PDE4D: variants seen among roughly 807,000 people sequenced by gnomAD.
PDE4D encodes the protein 3',5'-cyclic-AMP phosphodiesterase 4D.
A neutral mutation model predicts 87.4 loss-of-function variants in PDE4D; 24 were observed. The ratio of observed to expected loss-of-function variants is 0.27; its 90% CI spans 0.20 to 0.39. The LOEUF (loss-of-function observed/expected upper bound fraction) is 0.39, where lower values mean the gene tolerates loss of function less well. Among genes scored for constraint, PDE4D ranks in the 10% least tolerant of loss-of-function variants. The pLI, the probability that PDE4D is intolerant of heterozygous loss-of-function variation, is 1.00. For missense variants in PDE4D, 714 were observed against 1,041.0 expected (o/e 0.69, Z 4.32); for synonymous variants, 384 against 383.2 (o/e 1.00, Z -0.02).
intron 5 of PDE4D, among the ~76,000 whole-genome samples, chr5:59,074,986 G>T: frequency 6.6e-6 from 1 of 151,686 alleles, no homozygotes; most frequent in East Asian, 1.9e-4. Flanking sequence ...GAGCTGATCA[G>T]AAGACCTGAG....
chr5:60,327,167 A>G (rs966350203), intron 1 of PDE4D, among the ~76,000 whole-genome samples: 1 of 152,084 alleles, frequency 6.6e-6, no homozygotes, highest in Non-Finnish European at 1.5e-5. Context: ...CATAACTTTT[A>G]CATGACACAG....
intron 2 of PDE4D, among the ~76,000 whole-genome samples, chr5:59,198,280 A>G (rs2153490087): frequency 6.6e-6 from 1 of 151,968 alleles, no homozygotes; most frequent in Non-Finnish European, 1.5e-5. Context: ...AGGAAGGCTC[A>G]GAAAAAAAGT....
At chr5:59,897,161 A>T (rs1199534044), upstream of PDE4D, among the ~76,000 whole-genome samples, 1 of 152,212 alleles carries the variant, frequency 6.6e-6, no homozygotes, top group Admixed American at 6.5e-5. Context: ...AAACTTAAAT[A>T]AGCAGTTAGT....
chr5:59,226,895 G>T (rs1753894163), intron 1 of PDE4D, among the ~76,000 whole-genome samples: 1 of 152,112 alleles, frequency 6.6e-6, no homozygotes, highest in Admixed American at 6.5e-5. Flanking sequence ...AATTTCTCTG[G>T]CAATTTCATG....
At chr5:60,337,609 T>C (rs932913910) in intron 1 of PDE4D, among the ~76,000 whole-genome samples, 1 of 151,820 alleles carries the variant, frequency 6.6e-6, no homozygotes, top group Non-Finnish European at 1.5e-5. Context: ...AAATAAATAA[T>C]ACCTAAATAA....
rs1780236272 is a variant in PDE4D, at chr5:60,138,457, C to T, written c.42+47100G>A. Among the ~76,000 whole-genome samples the T allele has an allele frequency of 2.0e-5, 3 of 152,160 alleles. No individual in the cohort carries two copies. The South Asian group carries it at 6.2e-4, about 32-fold the overall frequency. On this transcript the variant is annotated intron_variant, in intron 2 of 16. Coordinates refer to the PDE4D transcript ENST00000502484. ...AAGATTTTCCACAACACTTAGATTG[C>T]TAGTAGCCCTGTAATTCCAAATATA...
chr5:59,279,752 C>T (rs1765476315), intron 1 of PDE4D, among the ~76,000 whole-genome samples: 1 of 151,704 alleles, frequency 6.6e-6, no homozygotes, highest in Non-Finnish European at 1.5e-5. Flanking sequence ...AGGTATATTT[C>T]ATTCCAAAGC....
At chr5:60,354,940 T>C (rs1380617579) in intron 1 of PDE4D, among the ~76,000 whole-genome samples, 1 of 152,176 alleles carries the variant, frequency 6.6e-6, no homozygotes, top group African/African-American at 2.4e-5. Context: ...CAATAAATCA[T>C]GTGAGAAGGC....
intron 1 of PDE4D, among the ~76,000 whole-genome samples, chr5:59,503,744 C>T (rs1215335839): frequency 6.6e-6 from 1 of 152,054 alleles, no homozygotes; most frequent in Non-Finnish European, 1.5e-5. Context: ...GGTGAGTAAG[C>T]CCACCTGAAA....
chr5:59,895,518 C>T (rs1751539184), upstream of PDE4D, among the ~76,000 whole-genome samples: 1 of 152,198 alleles, frequency 6.6e-6, no homozygotes, highest in Non-Finnish European at 1.5e-5. Context: ...TTTGCAGACA[C>T]AAGTGTGACT....
At chr5:59,359,355 A>G (rs1254215876) in intron 1 of PDE4D, among the ~76,000 whole-genome samples, 1 of 152,222 alleles carries the variant, frequency 6.6e-6, no homozygotes, top group Non-Finnish European at 1.5e-5. Context: ...TACAGACACA[A>G]GAAGTGTCTG....
intron 1 of PDE4D, among the ~76,000 whole-genome samples, chr5:59,621,437 C>T (rs1230755566): frequency 6.6e-6 from 1 of 152,194 alleles, no homozygotes; most frequent in African/African-American, 2.4e-5. Context: ...TATAGGTTCT[C>T]ACAGGAGTTC....
intron 1 of PDE4D, among the ~76,000 whole-genome samples, chr5:59,667,832 C>A (rs1355773693): frequency 1.3e-5 from 2 of 152,218 alleles, no homozygotes; most frequent in East Asian, 3.8e-4. Context: ...TCCCACGAAA[C>A]CATTCAAGAT....
intron 1 of PDE4D, among the ~76,000 whole-genome samples, chr5:59,335,206 G>A (rs1777453902): frequency 6.6e-6 from 1 of 152,210 alleles, no homozygotes; most frequent in Non-Finnish European, 1.5e-5. Flanking sequence ...TCAGAGCACA[G>A]TCCAGTCCTG....
At chr5:59,957,695 T>A (rs902143265) in intron 3 of PDE4D, among the ~76,000 whole-genome samples, 1 of 152,088 alleles carries the variant, frequency 6.6e-6, no homozygotes, top group African/African-American at 2.4e-5. Flanking sequence ...TAAAAGGACA[T>A]GAGGTAGCAG....
At chr5:60,382,315 C>T (rs1011644218) in intron 1 of PDE4D, among the ~76,000 whole-genome samples, 6 of 152,026 alleles carry the variant, frequency 3.9e-5, no homozygotes, top group Admixed American at 1.3e-4. Context: ...TGTTTATTTG[C>T]GGTTTTAGCT....
intron 1 of PDE4D, among the ~76,000 whole-genome samples, chr5:60,351,967 G>T (rs1428726867): frequency 6.7e-6 from 1 of 148,924 alleles, no homozygotes; most frequent in Non-Finnish European, 1.5e-5. Flanking sequence ...CACCACACCC[G>T]GCTTTTTTTT....
At chr5:60,317,402 T>C (rs531576029) in intron 1 of PDE4D, among the ~76,000 whole-genome samples, 10 of 152,276 alleles carry the variant, frequency 6.6e-5, no homozygotes, top group South Asian at 2.1e-4. Context: ...GTCTTACTAG[T>C]GGTCTATCAA....
At chr5:59,903,327 T>A (rs1168989895) in intron 3 of PDE4D, among the ~76,000 whole-genome samples, 2 of 152,040 alleles carry the variant, frequency 1.3e-5, no homozygotes, top group Non-Finnish European at 2.9e-5. Flanking sequence ...AATTACTAGT[T>A]TAAAATAGAA....
Sources: gnomAD v4.1 joint callset for allele counts (sites outside exome capture counted in the v4.1 genomes callset) on GRCh38, gnomAD v4.1.1 for gene constraint, MANE v1.5 for transcripts, NCBI Gene and HGNC (gene_info 2026-07-23, HGNC 2026-07-21) for gene names.